The following SLC44A5 variants were observed in gnomAD, a reference collection of about 807,000 sequenced individuals.
SLC44A5 encodes the protein choline transporter-like protein 5.
A neutral mutation model predicts 101.8 loss-of-function variants in SLC44A5; 57 were observed. The ratio of observed to expected loss-of-function variants is 0.56; its 90% CI spans 0.45 to 0.70. The LOEUF (loss-of-function observed/expected upper bound fraction) is 0.70. SLC44A5 is among the 30% of genes least tolerant of loss of function. The probability of loss-of-function intolerance (pLI) is 0.00; values close to 1 mark genes in which losing one functional copy is unlikely to be tolerated. For synonymous variants in SLC44A5, 281 were observed against 290.9 expected (o/e 0.97, Z 0.35); for missense variants, 737 against 853.1 (o/e 0.86, Z 1.70).
At chr1:75,431,225 T>C (rs1016652030) in intron 2 of SLC44A5, among the ~76,000 whole-genome samples, 3 of 152,186 alleles carry the variant, frequency 2.0e-5, no homozygotes, top group African/African-American at 4.8e-5. Context: ...TGGGCCTCAA[T>C]ATATTATCAA....
chr1:75,474,082 A>C (rs746353701), intron 2 of SLC44A5, among the ~76,000 whole-genome samples: 2 of 152,212 alleles, frequency 1.3e-5, no homozygotes, highest in African/African-American at 4.8e-5. Flanking sequence ...GCTTCATTGA[A>C]TATTTAACAC....
intron 14 of SLC44A5, among the ~76,000 whole-genome samples, 189 bp from the exon 15 acceptor site, chr1:75,220,081 G>A (rs897852528): frequency 3.3e-5 from 5 of 151,910 alleles, no homozygotes; most frequent in African/African-American, 7.2e-5. Context: ...GCATTTTTCC[G>A]ATGCACATGT....
intron 7 of SLC44A5, among the ~76,000 whole-genome samples, chr1:75,249,545 T>C (rs915448884): frequency 1.3e-5 from 2 of 151,958 alleles, no homozygotes; most frequent in African/African-American, 4.8e-5. Context: ...TAGGAAGCAA[T>C]GGACAGGGAA....
At chr1:75,702,221 A>T in the SLC44A5 span, among the ~76,000 whole-genome samples, 1 of 152,198 alleles carries the variant, frequency 6.6e-6, no homozygotes. Flanking sequence ...AGCCAAAAGA[A>T]CAAAGCTGGA....
chr1:75,299,904 T>A (rs1033699186), intron 5 of SLC44A5, among the ~76,000 whole-genome samples: 12 of 149,462 alleles, frequency 8.0e-5, no homozygotes, highest in Admixed American at 3.3e-4. Flanking sequence ...TAATCCCAGC[T>A]ACTCGGGAGG....
rs753335963 is a variant in SLC44A5 at position 75,251,198 on chromosome 1, C to CTT, written c.345+10_345+11dup. On this transcript the variant is annotated intron_variant, in intron 7 of 23. Transcript: ENST00000370859. ...ACGGCTGACACTACCAGTGAGGCACCTTTTGCCTTACCTGTGTGGTAGGGC... is the reference window on the plus strand; with the variant it reads ...ACGGCTGACACTACCAGTGAGGCACCTTTTTTGCCTTACCTGTGTGGTAGGGC... The CTT allele has an allele frequency of 6.3e-7, 1 of 1,599,766 alleles. No homozygotes were observed. The highest frequency in any genetic ancestry group is 1.1e-5 in the South Asian group (1 of 90,600).
the SLC44A5 span, among the ~76,000 whole-genome samples, chr1:75,650,147 G>A: frequency 4.6e-5 from 7 of 152,098 alleles, no homozygotes; most frequent in Non-Finnish European, 4.4e-5. Flanking sequence ...TGGGCTATTA[G>A]TTTTACCATC....
chr1:75,203,257 G>T lies in SLC44A5; in HGVS notation c.*470C>A, dbSNP rs1646692668. On this transcript the variant is annotated 3_prime_UTR_variant, in exon 24 of 24. Coordinates refer to ENST00000370859, the MANE Select transcript of SLC44A5 (RefSeq NM_001130058.2). ...TTAAAGAGAGCAAACTCTCAACTGG[G>T]GCAGTCCTTTCACTGATTTACTGTC... 1 of 152,112 alleles carries T rather than the reference G, an allele frequency of 6.6e-6. No homozygotes were observed. Among genetic ancestry groups the T allele is most frequent in the Non-Finnish European group, 1.5e-5 (1 of 68,088 alleles). The allele number at this position is 152,112 out of a possible 1,614,324, so 9.4% of individuals were successfully genotyped here.
intron 11 of SLC44A5, 61 bp downstream of exon 11, chr1:75,236,926 G>A: frequency 1.1e-6 from 1 of 892,180 alleles, no homozygotes. Flanking sequence ...TGAAGAAAGA[G>A]TTCTACAAAG....
Position 75,242,887 on chromosome 1 carries a change from T to C in SLC44A5, c.470A>G (p.Lys157Arg). The C allele has an allele frequency of 1.9e-6, 3 of 1,592,838 alleles. No homozygotes were observed. Among genetic ancestry groups the C allele is most frequent in the Non-Finnish European group, 2.6e-6 (3 of 1,171,512 alleles). ...TGCTTTAAGCTTAAACACACATACC[T>C]TCACAGGCTTAGCAGTGGTCTTACA... ...QFCKTTAKPVKSLTQLLLDDD... is the reference protein window; with the variant it reads ...QFCKTTAKPVRSLTQLLLDDD... Residue 157 changes from lysine to arginine, a missense_variant and splice_region_variant, in exon 8 of 24, where the codon AAG (lysine) becomes AGG (arginine). Lys to Arg is a conservative substitution (Grantham distance 26). Around this residue, in one of 3 missense-constraint regions of SLC44A5, gnomAD observed 665 missense variants for 764.4 expected, o/e 0.87. Transcript: ENST00000370859.
At chr1:75,674,733 C>T in the SLC44A5 span, among the ~76,000 whole-genome samples, 2 of 152,000 alleles carry the variant, frequency 1.3e-5, no homozygotes, top group Non-Finnish European at 2.9e-5. Context: ...TAGAAAATAG[C>T]CTCAAAAGGG....
intron 6 of SLC44A5, among the ~76,000 whole-genome samples, chr1:75,265,314 A>C (rs1408932705): frequency 3.9e-5 from 6 of 152,164 alleles, no homozygotes; most frequent in African/African-American, 1.2e-4. Context: ...AACAAACAAA[A>C]AAACACTATG....
At chr1:75,677,221 G>A in the SLC44A5 span, among the ~76,000 whole-genome samples, 1 of 152,142 alleles carries the variant, frequency 6.6e-6, no homozygotes, top group Admixed American at 6.5e-5. Context: ...CACTGTAATT[G>A]TGATATGTAA....
intron 2 of SLC44A5, among the ~76,000 whole-genome samples, chr1:75,517,113 A>T (rs899381857): frequency 6.6e-6 from 1 of 152,186 alleles, no homozygotes; most frequent in Non-Finnish European, 1.5e-5. Context: ...GTGAATCTAC[A>T]TTTGGAGCTG....
At chr1:75,478,785 TC>T (rs1373053426) in intron 2 of SLC44A5, among the ~76,000 whole-genome samples, 3 of 152,068 alleles carry the variant, frequency 2.0e-5, no homozygotes, top group Non-Finnish European at 4.4e-5. Flanking sequence ...AGATTTAGAC[TC>T]CCACACAATA....
chr1:75,553,987 T>G (rs539777740), intron 1 of SLC44A5, among the ~76,000 whole-genome samples: 1 of 152,202 alleles, frequency 6.6e-6, no homozygotes, highest in Admixed American at 6.5e-5. Flanking sequence ...GGCGGCACTT[T>G]CATAGAAATG....
At chr1:75,629,468 C>T in the SLC44A5 span, among the ~76,000 whole-genome samples, 1 of 152,118 alleles carries the variant, frequency 6.6e-6, no homozygotes, top group African/African-American at 2.4e-5. Context: ...AAGATTTTAG[C>T]ACAGAAAACA....
chr1:75,322,771 A>T (rs934511231), intron 4 of SLC44A5, among the ~76,000 whole-genome samples: 1 of 152,148 alleles, frequency 6.6e-6, no homozygotes, highest in African/African-American at 2.4e-5. Context: ...CTTGAAAATG[A>T]TTTTGGAGAA....
At chr1:75,622,017 T>C in the SLC44A5 span, among the ~76,000 whole-genome samples, 2 of 152,118 alleles carry the variant, frequency 1.3e-5, no homozygotes, top group African/African-American at 4.8e-5. Context: ...CACAGATACT[T>C]ACTATAATAA....
Sources: allele counts gnomAD v4.1 joint callset (sites outside exome capture counted in the v4.1 genomes callset), GRCh38; gene constraint gnomAD v4.1.1; regional missense constraint gnomAD v4.1.1; transcripts MANE v1.5; gene names NCBI Gene and HGNC (gene_info 2026-07-23, HGNC 2026-07-21).